Variants in TDRKH observed in about 807,000 individuals in gnomAD.
TDRKH encodes tudor and KH domain containing.
In TDRKH, 28 loss-of-function variants were observed where a neutral mutation model predicts 61.3. The observed-to-expected ratio is 0.46, with a 90% CI of 0.34 to 0.63. TDRKH has a LOEUF of 0.63. Ranked by LOEUF, TDRKH falls within the 20% of genes least tolerant of loss-of-function variation. The pLI, the probability that TDRKH is intolerant of heterozygous loss-of-function variation, is 0.01. For missense variants in TDRKH, 540 were observed against 683.4 expected (o/e 0.79, Z 2.34); for synonymous variants, 219 against 244.4 (o/e 0.90, Z 0.97).
intron 1 of TDRKH, among the ~76,000 whole-genome samples, chr1:151,787,615 G>T (rs936530555): frequency 6.6e-6 from 1 of 151,940 alleles, no homozygotes; most frequent in Non-Finnish European, 1.5e-5. Context: ...TGCTGAGCAC[G>T]TTGGGGACAG....
At chr1:151,775,916 G>T (rs1205702574) in intron 8 of TDRKH, 32 bp from the exon 9 acceptor site, 1 of 1,606,696 alleles carries the variant, frequency 6.2e-7, no homozygotes, top group South Asian at 1.1e-5. Flanking sequence ...TTAGAATCCT[G>T]GGGCCAAAAA....
downstream of TDRKH, among the ~76,000 whole-genome samples, chr1:151,769,827 C>A (rs1239621495): frequency 1.3e-5 from 2 of 152,242 alleles, no homozygotes; most frequent in Non-Finnish European, 1.5e-5. Flanking sequence ...AATCCCGGCA[C>A]CTCAGGAGGC....
At chr1:151,783,234 T>C (rs1650007759) in intron 1 of TDRKH, 185 bp from the exon 2 acceptor site, 1 of 399,228 alleles carries the variant, frequency 2.5e-6, no homozygotes, top group Non-Finnish European at 4.3e-6. Flanking sequence ...AAAAGTTAGC[T>C]AAGGTACACA....
At chr1:151,774,843 T>C (rs570717678) in intron 11 of TDRKH, 37 bp from the exon 12 acceptor site, 1 of 1,608,952 alleles carries the variant, frequency 6.2e-7, no homozygotes, top group South Asian at 1.1e-5. Context: ...GAGGAACATG[T>C]TGGCTTTTAG....
At chr1:151,778,553 G>A (rs1649432326) in intron 6 of TDRKH, 132 bp downstream of exon 6, 7 of 1,554,224 alleles carry the variant, frequency 4.5e-6, no homozygotes, top group South Asian at 4.5e-5. Context: ...ATATCTTACC[G>A]AATCTTCTGT....
intron 1 of TDRKH, among the ~76,000 whole-genome samples, chr1:151,787,874 A>T (rs1650491661): frequency 6.7e-6 from 1 of 150,128 alleles, no homozygotes; most frequent in African/African-American, 2.4e-5. Context: ...CTGTAGTTCC[A>T]GCTACTCAGG....
At chr1:151,767,729 T>C (rs1648412195), downstream of TDRKH, among the ~76,000 whole-genome samples, 1 of 152,180 alleles carries the variant, frequency 6.6e-6, no homozygotes, top group Admixed American at 6.5e-5. Flanking sequence ...AAATTATTAG[T>C]GAGAAAGGAA....
At position 151,778,942 on chromosome 1, in the gene TDRKH, T is replaced by C; in HGVS notation, c.626A>G (p.Glu209Gly). The C allele has an allele frequency of 6.2e-7, 1 of 1,614,238 alleles. No individual in the cohort carries two copies. Among genetic ancestry groups the C allele is most frequent in the Non-Finnish European group, 8.5e-7 (1 of 1,180,040 alleles). Reference protein sequence around the residue: ...ELRKRIAHSAETRVPRKQPIS... With the variant: ...ELRKRIAHSAGTRVPRKQPIS... ...TGGCTGTTTGCGTGGGACCCTGGTT[T>C]CTGCAGAATGAGCAATTCTCTTCCG... Residue 209 changes from glutamate (E) to glycine (G), a missense_variant, in exon 6 of 13, where the codon GAA (glutamate) becomes GGA (glycine). Glu to Gly is a moderately conservative substitution (Grantham distance 98, BLOSUM62 -2). Transcript: ENST00000368824.
rs1347714109 is a variant in TDRKH at position 151,775,104 on chromosome 1, T to C, written c.1497A>G (p.Ile499Met). Residue 499 changes from isoleucine (I) to methionine (M), a missense_variant, in exon 11 of 13, where the codon ATA becomes ATG. Coordinates refer to ENST00000368824, the MANE Select transcript of TDRKH (RefSeq NM_001083965.2). ...TGTCTGGGACAGCTCTGTTTTCTTC[T>C]ATGTCTTCAGGAAGCTCAATTGCGT... ...KGYAIELPED[I>M]EENRAVPDML... The C allele has an allele frequency of 6.2e-7, 1 of 1,614,186 alleles. No homozygotes were observed. Among genetic ancestry groups the C allele is most frequent in the Admixed American group, 1.7e-5 (1 of 60,036 alleles).
intron 1 of TDRKH, among the ~76,000 whole-genome samples, chr1:151,789,716 T>C (rs774183557): frequency 5.3e-5 from 8 of 152,178 alleles, no homozygotes; most frequent in Non-Finnish European, 1.0e-4. Context: ...AAAGCATAGA[T>C]AACTCATTCC....
At chr1:151,769,945 G>A (rs947516546), downstream of TDRKH, among the ~76,000 whole-genome samples, 2 of 70,616 alleles carry the variant, frequency 2.8e-5, no homozygotes, top group Admixed American at 1.8e-4. Flanking sequence ...GGCGGCACGC[G>A]CCTGCAATCC....
rs1648909104 is a variant in TDRKH at position 151,773,991 on chromosome 1, T to C, written c.*461A>G. ...TGGTAGAGGGGACTGAGCCTGACGT[T>C]GAACGGCCTGGAAGTAACACAGCAG... is the stretch of plus-strand genomic sequence containing the variant. On this transcript the variant is annotated 3_prime_UTR_variant, in exon 13 of 13. Coordinates refer to ENST00000368824, the MANE Select transcript of TDRKH (RefSeq NM_001083965.2). The C allele has an allele frequency of 6.3e-6, 1 of 159,316 alleles. No individual in the cohort carries two copies. Among genetic ancestry groups the C allele is most frequent in the African/African-American group, 2.4e-5 (1 of 41,472 alleles). 9.9% of individuals were successfully genotyped at this position (159,316 alleles called of 1,614,324 possible).
intron 1 of TDRKH, among the ~76,000 whole-genome samples, chr1:151,787,097 A>C (rs1338210534): frequency 6.6e-6 from 1 of 152,240 alleles, no homozygotes; most frequent in African/African-American, 2.4e-5. Flanking sequence ...TGTTTCATAA[A>C]GGAGATTTTT....
chr1:151,767,627 CCCA>C (rs1648409426), downstream of TDRKH: 1 of 306,316 alleles, frequency 3.3e-6, no homozygotes, highest in Non-Finnish European at 5.9e-6. Context: ...CCAGAACTTG[CCCA>C]CATATCATAT....
downstream of TDRKH, chr1:151,771,077 G>A: frequency 6.3e-7 from 1 of 1,585,652 alleles, no homozygotes; most frequent in Non-Finnish European, 8.6e-7. Flanking sequence ...CCTTTCACAG[G>A]TGCCCTGCTG....
At chr1:151,772,122 AT>A, downstream of TDRKH, 2 of 392,030 alleles carry the variant, frequency 5.1e-6, no homozygotes, top group Non-Finnish European at 9.0e-6. Flanking sequence ...TGGAGACAGC[AT>A]CTTGCTGTGT....
chr1:151,767,109 A>G, downstream of TDRKH: 1 of 1,604,732 alleles, frequency 6.2e-7, no homozygotes, highest in Non-Finnish European at 8.5e-7. Flanking sequence ...GGTACTGTGT[A>G]TCTTCCCACC....
At chr1:151,767,055 A>AAT, downstream of TDRKH, 1 of 1,497,960 alleles carries the variant, frequency 6.7e-7, no homozygotes. Flanking sequence ...GGAACATAGA[A>AAT]ACAGGCTGGA....
downstream of TDRKH, chr1:151,766,978 A>G (rs1648380617): frequency 5.0e-6 from 7 of 1,406,962 alleles, no homozygotes; most frequent in Admixed American, 8.0e-5. Context: ...ATGGCAAGAA[A>G]TAACAACAGA....
Sources: gnomAD v4.1 joint callset for allele counts (sites outside exome capture counted in the v4.1 genomes callset) on GRCh38, gnomAD v4.1.1 for gene constraint, MANE v1.5 for transcripts, NCBI Gene and HGNC (gene_info 2026-07-23, HGNC 2026-07-21) for gene names.